The following KCNQ1 variants were observed in gnomAD, a reference collection of about 807,000 sequenced individuals.
KCNQ1 encodes the protein potassium voltage-gated channel subfamily Q member 1.
In KCNQ1, 49 loss-of-function variants were observed where a neutral mutation model predicts 72.4. That is an observed-to-expected ratio of 0.68 (90% CI 0.54 to 0.86). The LOEUF (loss-of-function observed/expected upper bound fraction) is 0.86. Among genes scored for constraint, KCNQ1 ranks in the 40% least tolerant of loss-of-function variants. The probability of loss-of-function intolerance (pLI) is 0.00; values close to 1 mark genes in which losing one functional copy is unlikely to be tolerated. For missense variants in KCNQ1, 790 were observed against 945.1 expected (o/e 0.84, Z 2.15); for synonymous variants, 450 against 412.6 (o/e 1.09, Z -1.10).
At chr11:2,502,306 C>A (rs2133645889) in intron 1 of KCNQ1, among the ~76,000 whole-genome samples, 1 of 152,072 alleles carries the variant, frequency 6.6e-6, no homozygotes, top group Non-Finnish European at 1.5e-5. Flanking sequence ...TCTAAAGACC[C>A]CACAAAAAAA....
rs1017467751 is a variant in KCNQ1 at position 2,464,209 on chromosome 11, A to T, written c.386+18725A>T. Among the ~76,000 whole-genome samples the T allele has an allele frequency of 6.6e-6, 1 of 152,150 alleles. No individual in the cohort carries two copies. The highest frequency in any genetic ancestry group is 2.4e-5 in the African/African-American group (1 of 41,420). Reference sequence around the variant, plus strand: ...GCGCTCCCTGGGCCGGAACACATGGACGTCCAGGTGTGGAATGGCCCGGAC... The same window carrying T: ...GCGCTCCCTGGGCCGGAACACATGGTCGTCCAGGTGTGGAATGGCCCGGAC... On this transcript the variant is annotated intron_variant, in intron 1 of 15. Coordinates refer to ENST00000155840, the MANE Select transcript of KCNQ1 (RefSeq NM_000218.3). This position sits in a 1 kb window ranked among gnomAD's most constrained non-coding sequence, Gnocchi z 5.0.
chr11:2,722,606 G>A (rs1485945697), intron 11 of KCNQ1, among the ~76,000 whole-genome samples: 1 of 152,178 alleles, frequency 6.6e-6, no homozygotes, highest in East Asian at 1.9e-4. Flanking sequence ...CCACATGGAG[G>A]TCCTAGGGGA....
chr11:2,693,746 G>A (rs1211605907), intron 11 of KCNQ1: 2 of 398,708 alleles, frequency 5.0e-6, no homozygotes, highest in Non-Finnish European at 8.8e-6. Flanking sequence ...GGTTATACAG[G>A]CTCCTGCCAG....
At position 2,547,395 on chromosome 11, in the gene KCNQ1, T is replaced by C. The variant is rs1847914175; in HGVS notation, c.477+19377T>C. 6.6e-6 allele frequency among the ~76,000 whole-genome samples: 1 copy of C among 152,044 alleles called. No homozygotes were observed. The highest frequency in any genetic ancestry group is 6.6e-5 in the Admixed American group (1 of 15,266). On this transcript the variant is annotated intron_variant, in intron 2 of 15. Transcript: ENST00000155840. This position sits in a 1 kb window ranked among gnomAD's most constrained non-coding sequence, Gnocchi z 4.2. ...ATAGGTGGGCGCCACCACACCTGGC[T>C]AATTTTTTTTGTATTATTAGTAGAG...
chr11:2,467,120 G>A (rs968905853), intron 1 of KCNQ1, among the ~76,000 whole-genome samples: 1 of 152,002 alleles, frequency 6.6e-6, no homozygotes, highest in African/African-American at 2.4e-5. Flanking sequence ...CTGGAGAGCC[G>A]GGCAGGGTTG....
rs767870831 is a variant in KCNQ1, at chr11:2,493,696, C to T, written c.387-34232C>T. Among the ~76,000 whole-genome samples the T allele has an allele frequency of 6.6e-6, 1 of 151,998 alleles. No homozygotes were observed. Among genetic ancestry groups the T allele is most frequent in the Non-Finnish European group, 1.5e-5 (1 of 68,012 alleles). On this transcript the variant is annotated intron_variant, in intron 1 of 15. Transcript: ENST00000155840. The surrounding 1 kb of genome is among the most constrained non-coding windows in gnomAD (Gnocchi z 5.3). ...TATTTCTGAGGTCTCTGTTCTGTTCCATTGGTTTATATATCTGTCTTCATA... is the reference window on the plus strand; with the variant it reads ...TATTTCTGAGGTCTCTGTTCTGTTCTATTGGTTTATATATCTGTCTTCATA...
In KCNQ1 at chr11:2,595,515, C is replaced by T. The variant is rs1848721543; in HGVS notation, c.1393+6661C>T. Among the ~76,000 whole-genome samples, 1 of 152,198 alleles carries T rather than the reference C, an allele frequency of 6.6e-6. No individual in the cohort carries two copies. The highest frequency in any genetic ancestry group is 6.5e-5 in the Admixed American group (1 of 15,282). ...GCCCTTAAGAATTATGCTAAATCTA[C>T]TCTGCTTATGCTCTATAATGAAGCA... On this transcript the variant is annotated intron_variant, in intron 10 of 15. Coordinates refer to ENST00000155840, the MANE Select transcript of KCNQ1 (RefSeq NM_000218.3). This position sits in a 1 kb window ranked among gnomAD's most constrained non-coding sequence, Gnocchi z 5.0.
intron 10 of KCNQ1, chr11:2,625,969 A>G (rs1047252685): frequency 7.5e-5 from 30 of 398,168 alleles, no homozygotes; most frequent in African/African-American, 2.9e-4. Flanking sequence ...TGATTTGCAA[A>G]TTTTTCTCCC....
chr11:2,843,110 C>G (rs1358711231), intron 15 of KCNQ1, among the ~76,000 whole-genome samples: 1 of 152,240 alleles, frequency 6.6e-6, no homozygotes, highest in Non-Finnish European at 1.5e-5. Context: ...GCACAGCAAG[C>G]TCCAGCAGGG....
chr11:2,583,795 C>T (rs112810417), intron 7 of KCNQ1, among the ~76,000 whole-genome samples: 11 of 152,302 alleles, frequency 7.2e-5, no homozygotes, highest in Non-Finnish European at 7.4e-5. Flanking sequence ...TGTGCATGGG[C>T]GCAGTGTGGG....
chr11:2,775,640 T>C (rs1846680279), intron 12 of KCNQ1, among the ~76,000 whole-genome samples: 1 of 152,036 alleles, frequency 6.6e-6, no homozygotes. Context: ...CCTGAAGCCA[T>C]TGAGAACCAG....
At chr11:2,452,329 C>A (rs946048737) in intron 1 of KCNQ1, among the ~76,000 whole-genome samples, 2 of 152,158 alleles carry the variant, frequency 1.3e-5, no homozygotes, top group Admixed American at 1.3e-4. Flanking sequence ...GTACTCCCTT[C>A]GGCCCTGGAA....
rs770574775 is a variant in KCNQ1 at position 2,587,215 on chromosome 11, C to T, written c.1129-355C>T. On this transcript the variant is annotated intron_variant, in intron 8 of 15. Transcript: ENST00000155840. Reference sequence around the variant, plus strand: ...CATTTCCGCATTGGTCTCCTATGCACGCTGTGTACCCTGGCACCTGGGGAT... The same window carrying T: ...CATTTCCGCATTGGTCTCCTATGCATGCTGTGTACCCTGGCACCTGGGGAT... Among the ~76,000 whole-genome samples the T allele has an allele frequency of 2.4e-4, 37 of 152,208 alleles. 1 individual carries two copies. Among genetic ancestry groups the T allele is most frequent in the African/African-American group, 4.8e-4 (20 of 41,428 alleles).
intron 11 of KCNQ1, among the ~76,000 whole-genome samples, chr11:2,737,200 C>A (rs899733158): frequency 6.6e-6 from 1 of 152,176 alleles, no homozygotes; most frequent in African/African-American, 2.4e-5. Context: ...ACAGGGTAAG[C>A]AGAGGCTGGA....
Position 2,710,304 on chromosome 11 carries a change from T to C in KCNQ1, c.1514+48223T>C, listed in dbSNP as rs940983327. On this transcript the variant is annotated intron_variant, in intron 11 of 15. Coordinates refer to ENST00000155840, the MANE Select transcript of KCNQ1 (RefSeq NM_000218.3). This position sits in a 1 kb window ranked among gnomAD's most constrained non-coding sequence, Gnocchi z 4.1. The stretch of plus-strand genomic sequence containing the variant: ...TGAAGAAGTATGTATTCAAATTCTT[T>C]GCCCAAATTTTAATTGGGTTGTGTT... 5.3e-5 allele frequency among the ~76,000 whole-genome samples: 8 copies of C among 152,248 alleles called. No individual in the cohort carries two copies. The highest frequency in any genetic ancestry group is 1.2e-4 in the Non-Finnish European group (8 of 68,040).
chr11:2,643,564 G>A (rs1849613372), intron 10 of KCNQ1: 1 of 398,444 alleles, frequency 2.5e-6, no homozygotes. Flanking sequence ...TGCGTTTCTT[G>A]TAGATAGCAT....
intron 11 of KCNQ1, among the ~76,000 whole-genome samples, chr11:2,717,972 G>A (rs1851123500): frequency 6.6e-6 from 1 of 152,240 alleles, no homozygotes; most frequent in Non-Finnish European, 1.5e-5. Context: ...GGCTTCCTTG[G>A]TTTCTGAAGG....
Position 2,679,030 on chromosome 11 carries a change from G to GC in KCNQ1, c.1514+16952dup, listed in dbSNP as rs1590026923. On this transcript the variant is annotated intron_variant, in intron 11 of 15. Coordinates refer to ENST00000155840, the MANE Select transcript of KCNQ1 (RefSeq NM_000218.3). This position sits in a 1 kb window ranked among gnomAD's most constrained non-coding sequence, Gnocchi z 4.8. ...TAAGAAACATAATCTAAAACTTGTA[G>GC]CCCAGCCCCTCCTCCATACCAACCA... The GC allele has an allele frequency of 2.5e-6, 1 of 398,454 alleles. No homozygotes were observed. The highest frequency in any genetic ancestry group is 4.4e-6 in the Non-Finnish European group (1 of 226,076). The allele number at this position is 398,454 out of a possible 1,614,324, so 24.7% of individuals were successfully genotyped here.
intron 11 of KCNQ1, among the ~76,000 whole-genome samples, chr11:2,722,324 T>C (rs1845683136): frequency 1.3e-5 from 2 of 152,064 alleles, no homozygotes; most frequent in South Asian, 4.1e-4. Flanking sequence ...GGTGCATGCC[T>C]CTCTGTGGCA....
Sources: gnomAD v4.1 joint callset for allele counts (sites outside exome capture counted in the v4.1 genomes callset) on GRCh38, gnomAD v4.1.1 for gene constraint, Gnocchi (gnomAD v3.1) non-coding constraint, MANE v1.5 for transcripts, NCBI Gene and HGNC (gene_info 2026-07-23, HGNC 2026-07-21) for gene names.